The following CLIC6 variants were observed in gnomAD, a reference collection of about 807,000 sequenced individuals.
CLIC6 encodes CLIC family member 6, also known as chloride intracellular channel protein 6.
Under a neutral mutation model 49.2 loss-of-function variants are expected in CLIC6, and 39 were observed. The ratio of observed to expected loss-of-function variants is 0.79; its 90% CI spans 0.61 to 1.04. The LOEUF is 1.04. CLIC6 is among the 50% of genes least tolerant of loss of function. The pLI is 0.00. For missense variants in CLIC6, 988 were observed against 993.1 expected (o/e 0.99, Z 0.07); for synonymous variants, 446 against 433.4 (o/e 1.03, Z -0.36).
At chr21:34,686,830 T>C (rs1394392287) in intron 1 of CLIC6, among the ~76,000 whole-genome samples, 3 of 152,148 alleles carry the variant, frequency 2.0e-5, no homozygotes, top group Non-Finnish European at 4.4e-5. Flanking sequence ...TGAAGCTGTC[T>C]TGGCCCCCTC....
intron 4 of CLIC6, 133 bp downstream of exon 4, chr21:34,708,939 G>T: frequency 1.5e-6 from 1 of 670,124 alleles, no homozygotes. Context: ...CAGAAAAAGT[G>T]CCTCCAACTT....
intron 1 of CLIC6, among the ~76,000 whole-genome samples, chr21:34,691,387 C>A (rs139261209): frequency 6.6e-6 from 1 of 152,148 alleles, no homozygotes; most frequent in East Asian, 1.9e-4. Flanking sequence ...AAGCTTAAAG[C>A]CAAGTTTTCT....
chr21:34,714,930 G>A (rs2056077908), intron 5 of CLIC6, among the ~76,000 whole-genome samples: 1 of 152,186 alleles, frequency 6.6e-6, no homozygotes, highest in Non-Finnish European at 1.5e-5. Context: ...GAAAAACCAG[G>A]TACATACAAA....
chr21:34,701,094 A>G (rs1438084398), intron 1 of CLIC6, among the ~76,000 whole-genome samples: 1 of 141,470 alleles, frequency 7.1e-6, no homozygotes, highest in East Asian at 2.0e-4. Context: ...TGAGGTCAGG[A>G]GATCGAGACC....
intron 1 of CLIC6, among the ~76,000 whole-genome samples, chr21:34,704,136 C>T (rs1013013032): frequency 4.6e-5 from 7 of 152,144 alleles, no homozygotes; most frequent in African/African-American, 1.7e-4. Flanking sequence ...TAAAATGTCC[C>T]AATTATGGCG....
At chr21:34,683,278 T>C (rs939008562) in intron 1 of CLIC6, among the ~76,000 whole-genome samples, 3 of 152,234 alleles carry the variant, frequency 2.0e-5, no homozygotes, top group East Asian at 1.9e-4. Context: ...ATGTAAGATA[T>C]ATCGCTTTGA....
At chr21:34,670,988 T>C (rs1343445879) in intron 1 of CLIC6, among the ~76,000 whole-genome samples, 2 of 140,642 alleles carry the variant, frequency 1.4e-5, no homozygotes, top group Admixed American at 7.0e-5. Context: ...ACTTTGGGGG[T>C]GGGGGCGACG....
chr21:34,684,759 G>A (rs542731883), intron 1 of CLIC6, among the ~76,000 whole-genome samples: 26 of 152,304 alleles, frequency 1.7e-4, no homozygotes, highest in African/African-American at 5.5e-4. Context: ...TGAGGGAGAG[G>A]AAAATAAATC....
Position 34,680,056 on chromosome 21 carries a change from C to T in CLIC6, c.1374+9294C>T, listed in dbSNP as rs149325252. On this transcript the variant is annotated intron_variant, in intron 1 of 5. Coordinates refer to ENST00000349499, the MANE Select transcript of CLIC6 (RefSeq NM_053277.3). Reference sequence around the variant, plus strand: ...GTGTGGGGGCTCTGACCCTACATTTCCCTTCTGTACTGCCCTAGCAGAGGT... The same window carrying T: ...GTGTGGGGGCTCTGACCCTACATTTTCCTTCTGTACTGCCCTAGCAGAGGT... 6.8e-3 allele frequency among the ~76,000 whole-genome samples: 1,043 copies of T among 152,378 alleles called. 12 individuals carry two copies. The highest frequency in any genetic ancestry group is 0.023 in the African/African-American group (976 of 41,590).
chr21:34,677,247 T>C (rs1384164619), intron 1 of CLIC6, among the ~76,000 whole-genome samples: 3 of 152,268 alleles, frequency 2.0e-5, no homozygotes, highest in Non-Finnish European at 4.4e-5. Flanking sequence ...TATTGTTTTT[T>C]CCTGCTCTTG....
chr21:34,708,393 G>A (rs1244586007), intron 3 of CLIC6, among the ~76,000 whole-genome samples: 1 of 152,060 alleles, frequency 6.6e-6, no homozygotes, highest in Non-Finnish European at 1.5e-5. Context: ...TTGGACCTCG[G>A]GGGAGCTATT....
chr21:34,684,086 C>CTTT (rs71950500), intron 1 of CLIC6, among the ~76,000 whole-genome samples: 122 of 142,924 alleles, frequency 8.5e-4, no homozygotes, highest in African/African-American at 2.9e-3. Flanking sequence ...GTAAACGCTG[C>CTTT]TTTTTTTTTT....
intron 1 of CLIC6, among the ~76,000 whole-genome samples, chr21:34,671,134 AAAAAAAAAGAAG>A (rs1046071978): frequency 5.3e-5 from 6 of 112,406 alleles, no homozygotes; most frequent in African/African-American, 2.0e-4. Context: ...AAAAAAAAAA[AAAAAAAAAGAAG>A]AAGAAGAAGA....
At chr21:34,683,123 A>G (rs1032176288) in intron 1 of CLIC6, among the ~76,000 whole-genome samples, 3 of 151,952 alleles carry the variant, frequency 2.0e-5, no homozygotes, top group African/African-American at 7.3e-5. Context: ...CTTTCCCTCT[A>G]TTTTTAATTA....
At chr21:34,687,365 C>A (rs1163578381) in intron 1 of CLIC6, among the ~76,000 whole-genome samples, 1 of 152,072 alleles carries the variant, frequency 6.6e-6, no homozygotes, top group East Asian at 1.9e-4. Context: ...ACAAGATGTT[C>A]CTTTGTTGCA....
chr21:34,704,819 A>G (rs2056003471), intron 1 of CLIC6, among the ~76,000 whole-genome samples: 1 of 152,226 alleles, frequency 6.6e-6, no homozygotes, highest in Admixed American at 6.5e-5. Flanking sequence ...AAGGGAAATC[A>G]CTAACTTGAG....
rs1339672217 is a variant in CLIC6, at chr21:34,669,024, A to C, written c.-365A>C. ...CAGGACAGCGGACAGCGGGCCGGGCACTTCCAAAGGCGCAGGAGCGAAGCA... is the reference window on the plus strand; with the variant it reads ...CAGGACAGCGGACAGCGGGCCGGGCCCTTCCAAAGGCGCAGGAGCGAAGCA... On this transcript the variant is annotated 5_prime_UTR_variant, in exon 1 of 6. Transcript: ENST00000349499. Among the ~76,000 whole-genome samples the C allele has an allele frequency of 6.6e-6, 1 of 152,134 alleles. No individual in the cohort carries two copies. Among genetic ancestry groups the C allele is most frequent in the Non-Finnish European group, 1.5e-5 (1 of 68,012 alleles).
intron 1 of CLIC6, among the ~76,000 whole-genome samples, chr21:34,704,036 A>C (rs999659438): frequency 6.6e-6 from 1 of 152,166 alleles, no homozygotes; most frequent in Non-Finnish European, 1.5e-5. Context: ...TTCCTTCCTA[A>C]GCTGAGAATC....
intron 1 of CLIC6, among the ~76,000 whole-genome samples, chr21:34,672,362 G>A (rs1227055041): frequency 6.6e-6 from 1 of 152,106 alleles, no homozygotes; most frequent in Admixed American, 6.5e-5. Flanking sequence ...CTGTGGTCTC[G>A]CTATGCCACC....
Sources: allele counts gnomAD v4.1 joint callset (sites outside exome capture counted in the v4.1 genomes callset), GRCh38; gene constraint gnomAD v4.1.1; transcripts MANE v1.5; gene names NCBI Gene and HGNC (gene_info 2026-07-23, HGNC 2026-07-21).